The following SMAD1 variants were observed in gnomAD, a reference collection of about 807,000 sequenced individuals.
SMAD1 encodes the protein SMAD family member 1, also known as MAD, mothers against decapentaplegic homolog 1.
Under a neutral mutation model 41.6 loss-of-function variants are expected in SMAD1, and 6 were observed. That is an observed-to-expected ratio of 0.14 (90% confidence interval 0.08 to 0.28). The LOEUF (loss-of-function observed/expected upper bound fraction) is 0.28. Among genes scored for constraint, SMAD1 ranks in the 10% least tolerant of loss-of-function variants. SMAD1 has a pLI of 1.00. For synonymous variants in SMAD1, 206 were observed against 203.2 expected (o/e 1.01, Z -0.12); for missense variants, 379 against 582.6 (o/e 0.65, Z 3.60).
At chr4:145,525,159 C>T (rs1018452734) in intron 2 of SMAD1, among the ~76,000 whole-genome samples, 1 of 152,200 alleles carries the variant, frequency 6.6e-6, no homozygotes, top group Non-Finnish European at 1.5e-5. Context: ...TTTGGTTTTA[C>T]TTTCAGCCTC....
Position 145,526,856 on chromosome 4 carries a change from A to C in SMAD1, c.400+11843A>C, listed in dbSNP as rs76844254. Among the ~76,000 whole-genome samples the C allele has an allele frequency of 1.6e-3, 244 of 152,276 alleles. 14 individuals carry two copies. The East Asian group carries it at 0.046, about 29-fold the overall frequency. On this transcript the variant is annotated intron_variant, in intron 2 of 6. Coordinates refer to ENST00000302085, the MANE Select transcript of SMAD1 (RefSeq NM_005900.3). ...TAGAAGGGCTGGATTGAATTTTGGC[A>C]CTTGATAACTTTGACCTTGGGTTAG...
chr4:145,535,504 G>T, intron 2 of SMAD1, among the ~76,000 whole-genome samples: 1 of 152,160 alleles, frequency 6.6e-6, no homozygotes, highest in East Asian at 1.9e-4. Context: ...GAAGACCTCT[G>T]TGCACTAATA....
At chr4:145,503,589 C>T (rs184320910) in intron 1 of SMAD1, among the ~76,000 whole-genome samples, 19 of 152,224 alleles carry the variant, frequency 1.2e-4, no homozygotes, top group African/African-American at 4.3e-4. Context: ...TGTTTTAAAA[C>T]AGGAAAAAGG....
chr4:145,539,698 C>A, intron 2 of SMAD1, 106 bp from the exon 3 acceptor site: 2 of 1,102,004 alleles, frequency 1.8e-6, no homozygotes, highest in South Asian at 1.5e-5. Context: ...GGACAGGGAT[C>A]AGATAATTTG....
intron 1 of SMAD1, among the ~76,000 whole-genome samples, chr4:145,500,602 A>G (rs1181990043): frequency 1.3e-5 from 2 of 152,114 alleles, no homozygotes; most frequent in Non-Finnish European, 2.9e-5. Flanking sequence ...AGGCACAGAA[A>G]CAGACTTTGA....
intron 1 of SMAD1, among the ~76,000 whole-genome samples, chr4:145,499,961 C>T (rs957727387): frequency 2.0e-5 from 3 of 152,146 alleles, no homozygotes; most frequent in African/African-American, 7.2e-5. Context: ...TCTTACAGTT[C>T]CCATAATACG....
intron 2 of SMAD1, among the ~76,000 whole-genome samples, chr4:145,519,660 A>C (rs890915127): frequency 3.8e-5 from 4 of 104,704 alleles, no homozygotes; most frequent in Non-Finnish European, 6.2e-5. Context: ...TCAAAAAAAA[A>C]AAAAAACCCA....
At chr4:145,531,123 CAG>C (rs1265039115) in intron 2 of SMAD1, among the ~76,000 whole-genome samples, 1 of 152,224 alleles carries the variant, frequency 6.6e-6, no homozygotes, top group Non-Finnish European at 1.5e-5. Context: ...TGCCACCACT[CAG>C]GGGTTTAGGC....
intron 5 of SMAD1, among the ~76,000 whole-genome samples, chr4:145,552,597 T>TAC (rs1395482488): frequency 6.6e-6 from 1 of 152,208 alleles, no homozygotes; most frequent in Non-Finnish European, 1.5e-5. Flanking sequence ...GATCTAATTT[T>TAC]ACACACACAG....
chr4:145,556,107 G>A (rs1470729144), intron 6 of SMAD1, among the ~76,000 whole-genome samples: 4 of 152,146 alleles, frequency 2.6e-5, no homozygotes, highest in Admixed American at 1.3e-4. Flanking sequence ...AGCCAATCTT[G>A]TGCTGTTTTT....
At chr4:145,539,012 A>G (rs1412804151) in intron 2 of SMAD1, among the ~76,000 whole-genome samples, 31 of 152,184 alleles carry the variant, frequency 2.0e-4, no homozygotes, top group Admixed American at 2.0e-3. Flanking sequence ...TAGGAGTGAC[A>G]GGAGTTGTTT....
At chr4:145,552,020 T>C (rs914132861) in intron 5 of SMAD1, among the ~76,000 whole-genome samples, 3 of 152,206 alleles carry the variant, frequency 2.0e-5, no homozygotes, top group Non-Finnish European at 4.4e-5. Flanking sequence ...CATGGAGATA[T>C]TTTAAATGTT....
At chr4:145,532,034 C>T (rs1182509436) in intron 2 of SMAD1, among the ~76,000 whole-genome samples, 1 of 152,200 alleles carries the variant, frequency 6.6e-6, no homozygotes, top group African/African-American at 2.4e-5. Context: ...CTTAAAAAAG[C>T]TCTCACATCT....
rs748195491 is a variant in SMAD1 at position 145,553,874 on chromosome 4, A to G, written c.1088A>G (p.His363Arg). 12 of 1,614,056 alleles carry G rather than the reference A, an allele frequency of 7.4e-6. No homozygotes were observed. Among genetic ancestry groups the G allele is most frequent in the East Asian group, 2.2e-5 (1 of 44,902 alleles). Residue 363 changes from histidine (H) to arginine (R), a missense_variant, in exon 6 of 7, where the codon CAT becomes CGT. Physicochemically the swap from His to Arg is conservative, Grantham distance 29. Around this residue, in one of 3 missense-constraint regions of SMAD1, gnomAD observed 107 missense variants for 218.3 expected, o/e 0.49. Coordinates refer to ENST00000302085, the MANE Select transcript of SMAD1 (RefSeq NM_005900.3). ...IFVQSRNCNYHHGFHPTTVCK... is the reference protein window; with the variant it reads ...IFVQSRNCNYRHGFHPTTVCK... The stretch of plus-strand genomic sequence containing the variant: ...GTGCAAAGTCGGAACTGCAACTACC[A>G]TCATGGATTTCATCCTACTACTGTT...
intron 6 of SMAD1, among the ~76,000 whole-genome samples, chr4:145,557,093 T>G (rs1732883586): frequency 6.6e-6 from 1 of 152,236 alleles, no homozygotes; most frequent in African/African-American, 2.4e-5. Flanking sequence ...AACTTCACAT[T>G]CATTGTCCAC....
At chr4:145,487,936 G>C (rs1728562328) in intron 1 of SMAD1, among the ~76,000 whole-genome samples, 1 of 152,094 alleles carries the variant, frequency 6.6e-6, no homozygotes, top group Non-Finnish European at 1.5e-5. Flanking sequence ...GTTTTAGTAA[G>C]GTACTGGGAA....
At position 145,501,514 on chromosome 4, in the gene SMAD1, G is replaced by A. The variant is rs139214709; in HGVS notation, c.-176-12924G>A. On this transcript the variant is annotated intron_variant, in intron 1 of 6. Coordinates refer to ENST00000302085, the MANE Select transcript of SMAD1 (RefSeq NM_005900.3). ...TAAATATAGGAAGAGAGTTCAGGCC[G>A]TCCTGCTTTGTGTCTGTCAGTTCAC... Among the ~76,000 whole-genome samples, 675 of 152,260 alleles carry A rather than the reference G, an allele frequency of 4.4e-3. 3 individuals carry two copies. The highest frequency in any genetic ancestry group is 0.015 in the African/African-American group (627 of 41,536).
chr4:145,496,307 G>T (rs1729071033), intron 1 of SMAD1, among the ~76,000 whole-genome samples: 2 of 152,074 alleles, frequency 1.3e-5, no homozygotes, highest in South Asian at 4.2e-4. Flanking sequence ...CAGTAGAGAG[G>T]TTACCTTGGC....
Position 145,557,627 on chromosome 4 carries a change from C to T in SMAD1, c.1255-164C>T, listed in dbSNP as rs1016792. On this transcript the variant is annotated intron_variant, in intron 6 of 6. Transcript: ENST00000302085. ...CCTTGAAATTGCCTGCGAAATTATGCGTGCGTTTGTGCATGTGTGTTTTTT... is the reference window on the plus strand; with the variant it reads ...CCTTGAAATTGCCTGCGAAATTATGTGTGCGTTTGTGCATGTGTGTTTTTT... Among the ~76,000 whole-genome samples the T allele has an allele frequency of 0.81, 123,685 of 152,088 alleles. 51,198 individuals carry two copies. Among genetic ancestry groups the T allele is most frequent in the African/African-American group, 0.96 (39,682 of 41,514 alleles).
Sources: allele counts gnomAD v4.1 joint callset (sites outside exome capture counted in the v4.1 genomes callset), GRCh38; gene constraint gnomAD v4.1.1; regional missense constraint gnomAD v4.1.1; transcripts MANE v1.5; gene names NCBI Gene and HGNC (gene_info 2026-07-23, HGNC 2026-07-21).